The following SPMIP2 variants were observed in gnomAD, a reference collection of about 807,000 sequenced individuals.
The protein encoded by SPMIP2 is sperm microtubule inner protein 2.
chr4:158,922,189 T>C, the SPMIP2 span, among the ~76,000 whole-genome samples: 1 of 152,000 alleles, frequency 6.6e-6, no homozygotes, highest in African/African-American at 2.4e-5. Flanking sequence ...CGCCCAGCCT[T>C]ACATATTTAC....
the SPMIP2 span, among the ~76,000 whole-genome samples, chr4:159,053,139 G>A: frequency 0.011 from 1,720 of 150,078 alleles, 13 homozygotes; most frequent in Non-Finnish European, 0.019. Context: ...TGTATTTTTA[G>A]TAGAGACGGG....
At chr4:158,979,345 C>G in the SPMIP2 span, among the ~76,000 whole-genome samples, 1 of 152,176 alleles carries the variant, frequency 6.6e-6, no homozygotes, top group African/African-American at 2.4e-5. Context: ...CTTCAGCCTC[C>G]TCTCCAGGGG....
chr4:159,035,843 T>C, the SPMIP2 span, among the ~76,000 whole-genome samples: 13 of 152,346 alleles, frequency 8.5e-5, no homozygotes, highest in East Asian at 2.3e-3. Flanking sequence ...CACAGCTAAG[T>C]GCTTTCTTCT....
chr4:158,957,491 A>C, the SPMIP2 span, among the ~76,000 whole-genome samples: 3 of 152,014 alleles, frequency 2.0e-5, no homozygotes, highest in Admixed American at 1.3e-4. Flanking sequence ...CAGTGATACC[A>C]TCTCAGCTCA....
chr4:158,946,520 C>T, the SPMIP2 span, among the ~76,000 whole-genome samples: 1 of 152,074 alleles, frequency 6.6e-6, no homozygotes, highest in Non-Finnish European at 1.5e-5. Flanking sequence ...AGTTTGGCAC[C>T]TCCCCCCTGC....
chr4:159,006,717 A>G, the SPMIP2 span, among the ~76,000 whole-genome samples: 1 of 152,358 alleles, frequency 6.6e-6, no homozygotes, highest in East Asian at 1.9e-4. Context: ...AGAAACTTAA[A>G]GACAGAGGTT....
chr4:158,957,466 G>GC, the SPMIP2 span, among the ~76,000 whole-genome samples: 1 of 151,854 alleles, frequency 6.6e-6, no homozygotes, highest in Non-Finnish European at 1.5e-5. Flanking sequence ...TTTCTCTGTC[G>GC]CCCAGGCTGG....
chr4:159,076,650 A>G, the SPMIP2 span, among the ~76,000 whole-genome samples: 1 of 152,124 alleles, frequency 6.6e-6, no homozygotes, highest in Non-Finnish European at 1.5e-5. Context: ...ACATACTTAA[A>G]CAATTTTTTC....
chr4:159,016,747 C>T, the SPMIP2 span, among the ~76,000 whole-genome samples: 14 of 152,298 alleles, frequency 9.2e-5, 1 homozygote, highest in Admixed American at 3.3e-4. Context: ...AGCCTGCCCC[C>T]CACAGGGAGA....
chr4:159,034,751 C>G, the SPMIP2 span, among the ~76,000 whole-genome samples: 517 of 152,210 alleles, frequency 3.4e-3, 4 homozygotes, highest in African/African-American at 0.012. Flanking sequence ...ATTAGCTGGG[C>G]ATGATGGCAG....
the SPMIP2 span, among the ~76,000 whole-genome samples, chr4:158,941,481 ACT>A: frequency 3.0e-4 from 46 of 152,064 alleles, no homozygotes; most frequent in Middle Eastern, 3.4e-3. Context: ...ACATAAAGAG[ACT>A]CTGTATCTAC....
the SPMIP2 span, among the ~76,000 whole-genome samples, chr4:158,932,502 TAAAA>T: frequency 2.0e-5 from 3 of 152,162 alleles, no homozygotes; most frequent in Non-Finnish European, 2.9e-5. Context: ...ACAGAATAAA[TAAAA>T]ATATAGTTTT....
the SPMIP2 span, among the ~76,000 whole-genome samples, chr4:159,030,146 C>T: frequency 6.6e-6 from 1 of 152,126 alleles, no homozygotes; most frequent in Non-Finnish European, 1.5e-5. Context: ...GGTGCGGTGG[C>T]TCATGCCTGC....
At chr4:158,901,870 C>T in the SPMIP2 span, among the ~76,000 whole-genome samples, 5 of 151,916 alleles carry the variant, frequency 3.3e-5, no homozygotes, top group East Asian at 9.7e-4. Flanking sequence ...GCTAGTTATT[C>T]TAGTTAGCAA....
At chr4:158,980,212 G>A in the SPMIP2 span, among the ~76,000 whole-genome samples, 1 of 152,064 alleles carries the variant, frequency 6.6e-6, no homozygotes, top group Non-Finnish European at 1.5e-5. Flanking sequence ...CAGTCAGGGG[G>A]TTATAGATAA....
chr4:158,987,453 TA>T, the SPMIP2 span, among the ~76,000 whole-genome samples: 3 of 152,072 alleles, frequency 2.0e-5, no homozygotes, highest in African/African-American at 7.2e-5. Context: ...TATGCAGCCA[TA>T]AAAAATGATG....
the SPMIP2 span, among the ~76,000 whole-genome samples, chr4:159,027,806 A>G: frequency 6.6e-6 from 1 of 152,250 alleles, no homozygotes; most frequent in Non-Finnish European, 1.5e-5. Context: ...GGAGCAATAC[A>G]TTTCAAAATT....
the SPMIP2 span, chr4:159,026,586 G>A: frequency 2.3e-6 from 1 of 432,736 alleles, no homozygotes; most frequent in African/African-American, 2.1e-5. Context: ...TCAGTTCAAT[G>A]GGCAAATCTC....
At chr4:158,983,658 A>G in the SPMIP2 span, among the ~76,000 whole-genome samples, 1 of 82,462 alleles carries the variant, frequency 1.2e-5, no homozygotes, top group Non-Finnish European at 2.4e-5. Flanking sequence ...TAAACATGGA[A>G]ATGAACAACT....
Sources: gnomAD v4.1 joint callset for allele counts (sites outside exome capture counted in the v4.1 genomes callset) on GRCh38, gnomAD v4.1.1 for gene constraint, MANE v1.5 for transcripts, NCBI Gene and HGNC (gene_info 2026-07-23, HGNC 2026-07-21) for gene names.